Variants in ZDHHC15 observed in about 807,000 individuals in gnomAD.
ZDHHC15 encodes the protein palmitoyltransferase ZDHHC15.
A neutral mutation model predicts 31.7 loss-of-function variants in ZDHHC15; 19 were observed. That is an observed-to-expected ratio of 0.60 (90% CI 0.42 to 0.88). The LOEUF (loss-of-function observed/expected upper bound fraction) is 0.88. Ranked by LOEUF, ZDHHC15 falls within the 40% of genes least tolerant of loss-of-function variation. The pLI is 0.00. For missense variants in ZDHHC15, 209 were observed against 251.2 expected (o/e 0.83, Z 1.14); for synonymous variants, 103 against 90.0 (o/e 1.14, Z -0.82).
At chrX:75,497,933 CTTT>C (rs1229705652) in intron 2 of ZDHHC15, among the ~76,000 whole-genome samples, 2 of 87,840 alleles carry the variant, frequency 2.3e-5, no homozygotes. Flanking sequence ...AGGATGCCCA[CTTT>C]TTTTTTTTTT....
In ZDHHC15 at chrX:75,498,364, C is replaced by T. The variant is rs372396485; in HGVS notation, c.163+7457G>A. On this transcript the variant is annotated intron_variant, in intron 2 of 11. Transcript: ENST00000373367. Reference sequence around the variant, plus strand: ...AGAAATTCAAACTGTTGCTGTTTACCGATGATATGATCGTACACCTAGAAA... The same window carrying T: ...AGAAATTCAAACTGTTGCTGTTTACTGATGATATGATCGTACACCTAGAAA... 6.1e-4 allele frequency among the ~76,000 whole-genome samples: 68 copies of T among 111,118 alleles called. 1 individual carries two copies. Among genetic ancestry groups the T allele is most frequent in the African/African-American group, 2.0e-3 (61 of 30,626 alleles).
intron 3 of ZDHHC15, among the ~76,000 whole-genome samples, chrX:75,473,822 A>G (rs1292828860): frequency 9.0e-6 from 1 of 111,570 alleles, no homozygotes; most frequent in East Asian, 2.8e-4. Context: ...AATATCTTCC[A>G]TTTCCTTTTT....
At chrX:75,388,714 G>T (rs750508164) in intron 10 of ZDHHC15, among the ~76,000 whole-genome samples, 59 of 111,846 alleles carry the variant, frequency 5.3e-4, no homozygotes, top group Non-Finnish European at 1.1e-3. Context: ...AAGGGCAGTA[G>T]AAAGTCCTTA....
chrX:75,412,205 AC>A (rs1342376727), intron 10 of ZDHHC15, among the ~76,000 whole-genome samples: 2 of 111,741 alleles, frequency 1.8e-5, no homozygotes. Context: ...ATTACAGAAA[AC>A]AGTATGGAGG....
intron 2 of ZDHHC15, among the ~76,000 whole-genome samples, chrX:75,482,837 G>A (rs922177442): frequency 9.1e-6 from 1 of 109,549 alleles, no homozygotes; most frequent in African/African-American, 3.3e-5. Flanking sequence ...TCTGTTTTGG[G>A]CGTTGAAGTG....
intron 7 of ZDHHC15, among the ~76,000 whole-genome samples, chrX:75,428,070 G>A (rs1426354456): frequency 9.1e-6 from 1 of 110,353 alleles, no homozygotes; most frequent in Non-Finnish European, 1.9e-5. Context: ...CTTTCTCTAC[G>A]GCTTTATGTC....
chrX:75,475,366 G>A (rs954185323), intron 3 of ZDHHC15, among the ~76,000 whole-genome samples: 2 of 111,062 alleles, frequency 1.8e-5, no homozygotes, highest in Non-Finnish European at 3.8e-5. Context: ...CTTAAGTTTA[G>A]ATCTTGGATC....
At position 75,371,942 on chromosome X, in the gene ZDHHC15, T is replaced by C. The variant is rs994855065; in HGVS notation, c.*1036A>G. On this transcript the variant is annotated 3_prime_UTR_variant, in exon 12 of 12. Transcript: ENST00000373367. ...ATTACTATTTGGTTATCACTGTCTG[T>C]ACAATAGCCCCTGCTATGAAAACAC... is the stretch of plus-strand genomic sequence containing the variant. 8.9e-6 allele frequency: 1 copy of C among 112,036 alleles called. No individual in the cohort carries two copies. The highest frequency in any genetic ancestry group is 3.2e-5 in the African/African-American group (1 of 30,859). The allele number at this position is 112,036 out of a possible 1,213,427, so 9.2% of individuals were successfully genotyped here.
intron 2 of ZDHHC15, among the ~76,000 whole-genome samples, chrX:75,483,034 CATACATAT>C (rs1357017692): frequency 2.9e-5 from 3 of 102,286 alleles, no homozygotes; most frequent in Non-Finnish European, 5.9e-5. Flanking sequence ...TATACACACA[CATACATAT>C]ATACATATAT....
At chrX:75,450,038 C>A (rs1249943151) in intron 4 of ZDHHC15, among the ~76,000 whole-genome samples, 2 of 111,609 alleles carry the variant, frequency 1.8e-5, no homozygotes, top group African/African-American at 3.2e-5. Flanking sequence ...ACACTAGAAA[C>A]AACCCAAGTA....
intron 4 of ZDHHC15, among the ~76,000 whole-genome samples, chrX:75,443,182 TG>T (rs763463269): frequency 1.7e-3 from 190 of 109,911 alleles, no homozygotes; most frequent in South Asian, 1.6e-3. Flanking sequence ...AGAACAAAGC[TG>T]GAGGCATCAT....
chrX:75,450,616 A>T, intron 4 of ZDHHC15, 186 bp downstream of exon 4: 1 of 927,677 alleles, frequency 1.1e-6, no homozygotes, highest in Non-Finnish European at 1.5e-6. Flanking sequence ...CAGTTTGTTT[A>T]CTATACAATT....
intron 2 of ZDHHC15, 78 bp from the exon 3 acceptor site, chrX:75,479,063 C>T (rs916000535): frequency 3.5e-5 from 23 of 664,571 alleles, no homozygotes; most frequent in East Asian, 1.6e-4. Flanking sequence ...AGCTCCATGA[C>T]GAATTTTTAT....
At chrX:75,482,037 C>T (rs145959161) in intron 2 of ZDHHC15, among the ~76,000 whole-genome samples, 6 of 111,500 alleles carry the variant, frequency 5.4e-5, no homozygotes, top group East Asian at 5.6e-4. Context: ...TGGTGTAAGA[C>T]GCCCATAAGG....
intron 4 of ZDHHC15, among the ~76,000 whole-genome samples, chrX:75,438,440 T>C (rs1392340492): frequency 1.5e-5 from 1 of 66,717 alleles, no homozygotes; most frequent in Non-Finnish European, 3.2e-5. Context: ...TTTAAACTGT[T>C]GTTGCTTTAA....
intron 2 of ZDHHC15, among the ~76,000 whole-genome samples, chrX:75,492,118 C>CA (rs1203137949): frequency 9.1e-6 from 1 of 110,108 alleles, no homozygotes; most frequent in African/African-American, 3.3e-5. Context: ...AACTGGAAAA[C>CA]AAAAAAAGGC....
intron 2 of ZDHHC15, 51 bp from the exon 3 acceptor site, chrX:75,479,036 A>G: frequency 2.3e-6 from 2 of 881,090 alleles, no homozygotes; most frequent in South Asian, 5.7e-5. Flanking sequence ...TCCATTTCTA[A>G]GAATTCAAAA....
chrX:75,394,291 A>AAAAAC (rs1319725934), intron 10 of ZDHHC15, among the ~76,000 whole-genome samples: 6 of 111,897 alleles, frequency 5.4e-5, no homozygotes, highest in East Asian at 2.8e-4. Context: ...AAACAAAAAC[A>AAAAAC]AAAACAAAAC....
chrX:75,396,813 AT>A (rs2083303802), intron 10 of ZDHHC15, among the ~76,000 whole-genome samples: 1 of 111,809 alleles, frequency 8.9e-6, no homozygotes, highest in Non-Finnish European at 1.9e-5. Context: ...CCATAAAAAA[AT>A]AATGAAATCC....
Sources: allele counts gnomAD v4.1 joint callset (sites outside exome capture counted in the v4.1 genomes callset), GRCh38; gene constraint gnomAD v4.1.1; transcripts MANE v1.5; gene names NCBI Gene and HGNC (gene_info 2026-07-23, HGNC 2026-07-21).